The following MTHFD2L variants were observed in gnomAD, a reference collection of about 807,000 sequenced individuals.
MTHFD2L encodes methylenetetrahydrofolate dehydrogenase (NADP+ dependent) 2 like.
In MTHFD2L, 29 loss-of-function variants were observed where a neutral mutation model predicts 34.9. The ratio of observed to expected loss-of-function variants is 0.83; its 90% confidence interval spans 0.62 to 1.13. MTHFD2L has a LOEUF of 1.13. MTHFD2L is among the 50% of genes most tolerant of loss of function. The pLI, the probability that MTHFD2L is intolerant of heterozygous loss-of-function variation, is 0.00. For missense variants in MTHFD2L, 481 were observed against 446.5 expected (o/e 1.08, Z -0.70); for synonymous variants, 167 against 155.7 (o/e 1.07, Z -0.54).
intron 1 of MTHFD2L, chr4:74,125,567 T>A (rs1402367813): frequency 1.3e-5 from 2 of 152,164 alleles, no homozygotes; most frequent in Non-Finnish European, 2.9e-5. Context: ...TCATTTGTCA[T>A]GAAACTAATA....
At chr4:74,142,425 T>C (rs1471088460) in intron 1 of MTHFD2L, among the ~76,000 whole-genome samples, 1 of 152,160 alleles carries the variant, frequency 6.6e-6, no homozygotes, top group East Asian at 1.9e-4. Context: ...CTTGCCCTCT[T>C]TCCACTATGT....
At chr4:74,245,078 C>A (rs1742232587) in intron 6 of MTHFD2L, among the ~76,000 whole-genome samples, 1 of 151,542 alleles carries the variant, frequency 6.6e-6, no homozygotes. Context: ...GCCTGTAGTC[C>A]CAGCTACTCT....
At position 74,231,673 on chromosome 4, in the gene MTHFD2L, A is replaced by G. The variant is rs11721648; in HGVS notation, c.805+6279A>G. Among the ~76,000 whole-genome samples the G allele has an allele frequency of 2.2e-3, 332 of 152,314 alleles. 2 individuals carry two copies. Among genetic ancestry groups the G allele is most frequent in the Non-Finnish European group, 3.7e-3 (252 of 68,034 alleles). On this transcript the variant is annotated intron_variant, in intron 6 of 7. Coordinates refer to ENST00000325278, the MANE Select transcript of MTHFD2L (RefSeq NM_001144978.3). ...GTAAGAATTCCAGGATTTAAATTCC[A>G]GCTCTGAGACTTGCTGATTGTGAGC...
At chr4:74,138,938 GA>G (rs1723120522) in intron 1 of MTHFD2L, among the ~76,000 whole-genome samples, 1 of 152,092 alleles carries the variant, frequency 6.6e-6, no homozygotes, top group African/African-American at 2.4e-5. Flanking sequence ...GTATTTTAGT[GA>G]GCCGTCTTTA....
rs991785291 is a variant in MTHFD2L, at chr4:74,245,977, C to T, written c.805+20583C>T. The stretch of plus-strand genomic sequence containing the variant: ...CTTTATAGCAGCATGATTTATAGTC[C>T]TTTGGGTATATACCCAGTAATGGGA... On this transcript the variant is annotated intron_variant, in intron 6 of 7. Transcript: ENST00000325278. 1.4e-3 allele frequency among the ~76,000 whole-genome samples: 201 copies of T among 148,666 alleles called. 1 individual carries two copies. The East Asian group carries it at 0.017, about 12-fold the overall frequency.
At chr4:74,200,664 G>C (rs1357343127) in intron 4 of MTHFD2L, among the ~76,000 whole-genome samples, 1 of 152,046 alleles carries the variant, frequency 6.6e-6, no homozygotes, top group African/African-American at 2.4e-5. Context: ...AAACTTCCAA[G>C]GGAAAACAGA....
rs541923824 is a variant in MTHFD2L, at chr4:74,267,276, T to TTTCTA, written c.806-14139_806-14135dup. ...CTGTTTGCAGGAAATACATTTCTTT[T>TTTCTA]TTCTATTCTATTCTTTTCTTTTCTT... On this transcript the variant is annotated intron_variant, in intron 6 of 7. Transcript: ENST00000325278. 1.0e-3 allele frequency: 985 copies of TTTCTA among 957,266 alleles called. 3 individuals carry two copies. Among genetic ancestry groups the TTTCTA allele is most frequent in the Non-Finnish European group, 1.1e-3 (860 of 817,580 alleles). The allele number at this position is 957,266 out of a possible 1,614,324, so 59.3% of individuals were successfully genotyped here.
At chr4:74,281,148 T>C (rs1336717673) in intron 6 of MTHFD2L, among the ~76,000 whole-genome samples, 2 of 152,086 alleles carry the variant, frequency 1.3e-5, no homozygotes, top group African/African-American at 4.8e-5. Context: ...TACAAAAGGA[T>C]GCTGCTCAAG....
chr4:74,161,637 G>A (rs956150535), intron 1 of MTHFD2L: 1 of 152,182 alleles, frequency 6.6e-6, no homozygotes, highest in African/African-American at 2.4e-5. Flanking sequence ...TGACTAAAAT[G>A]GATCAGTACA....
intron 6 of MTHFD2L, among the ~76,000 whole-genome samples, chr4:74,258,726 T>C (rs928786407): frequency 6.6e-6 from 1 of 152,176 alleles, no homozygotes; most frequent in African/African-American, 2.4e-5. Flanking sequence ...TAACATCATA[T>C]AGATTATAGC....
chr4:74,157,859 T>G, upstream of MTHFD2L: 1 of 620,120 alleles, frequency 1.6e-6, no homozygotes, highest in Non-Finnish European at 3.0e-6. Context: ...GTTGGCTGGG[T>G]GCGGGGCCCA....
At chr4:74,189,180 A>G (rs1266056542) in intron 3 of MTHFD2L, among the ~76,000 whole-genome samples, 2 of 152,160 alleles carry the variant, frequency 1.3e-5, no homozygotes, top group East Asian at 1.9e-4. Flanking sequence ...GTTTGGACCA[A>G]TATTGAGGTT....
chr4:74,225,066 T>G (rs1738925854), intron 5 of MTHFD2L, among the ~76,000 whole-genome samples: 1 of 152,136 alleles, frequency 6.6e-6, no homozygotes, highest in Admixed American at 6.6e-5. Context: ...AGCTCTCCTG[T>G]GATGATCGGC....
chr4:74,136,240 A>C (rs1229093444), intron 1 of MTHFD2L, among the ~76,000 whole-genome samples: 1 of 151,858 alleles, frequency 6.6e-6, no homozygotes, highest in Non-Finnish European at 1.5e-5. Flanking sequence ...AGACTCTACC[A>C]AAAAAAACTG....
chr4:74,213,914 T>G (rs1212205719), intron 5 of MTHFD2L, among the ~76,000 whole-genome samples: 1 of 149,210 alleles, frequency 6.7e-6, no homozygotes, highest in Non-Finnish European at 1.5e-5. Flanking sequence ...TCCTTTTCAT[T>G]CTTTTTTCTC....
Position 74,301,798 on chromosome 4 carries a change from A to G in MTHFD2L, c.1033A>G (p.Ile345Val), listed in dbSNP as rs904913491. The G allele has an allele frequency of 6.2e-7, 1 of 1,602,520 alleles. No homozygotes were observed. The highest frequency in any genetic ancestry group is 1.7e-5 in the Admixed American group (1 of 59,104). Residue 345 changes from isoleucine (I) to valine (V), a missense_variant, in exon 8 of 8, where the codon ATC (isoleucine) becomes GTC (valine). Coordinates refer to ENST00000325278, the MANE Select transcript of MTHFD2L (RefSeq NM_001144978.3). ...GAACACCCTTCTGGCAGCTAAAAAA[A>G]TCATTTACTAGATCACATGAAAGGA... ...LKNTLLAAKK[I>V]IY
Position 74,225,410 on chromosome 4 carries a change from CTG to C in MTHFD2L, c.805+18_805+19del. ...GTTGCTGCAGGTAAGTCCTTAGTGA[CTG>C]TTATTTTTTGGAATGTCATCAGCAG... On this transcript the variant is annotated intron_variant, in intron 6 of 7. Coordinates refer to ENST00000325278, the MANE Select transcript of MTHFD2L (RefSeq NM_001144978.3). 6.2e-7 allele frequency: 1 copy of C among 1,600,372 alleles called. No individual in the cohort carries two copies. The highest frequency in any genetic ancestry group is 1.1e-5 in the South Asian group (1 of 89,880).
intron 2 of MTHFD2L, among the ~76,000 whole-genome samples, chr4:74,117,934 T>A (rs1721683107): frequency 6.6e-6 from 1 of 152,240 alleles, no homozygotes; most frequent in African/African-American, 2.4e-5. Context: ...CTCTGCTGAC[T>A]ACATTTTACT....
chr4:74,287,534 G>C (rs151127493), intron 7 of MTHFD2L, among the ~76,000 whole-genome samples: 1 of 151,984 alleles, frequency 6.6e-6, no homozygotes, highest in Non-Finnish European at 1.5e-5. Flanking sequence ...ATCACTTGAG[G>C]TCAGGAGTTC....
Sources: allele counts gnomAD v4.1 joint callset (sites outside exome capture counted in the v4.1 genomes callset), GRCh38; gene constraint gnomAD v4.1.1; transcripts MANE v1.5; gene names NCBI Gene and HGNC (gene_info 2026-07-23, HGNC 2026-07-21).